The following TMEM182 variants were observed in gnomAD, a reference collection of about 807,000 sequenced individuals.
TMEM182 encodes transmembrane protein 182.
Under a neutral mutation model 26.8 loss-of-function variants are expected in TMEM182, and 20 were observed. The observed-to-expected ratio is 0.75, with a 90% CI of 0.53 to 1.09. TMEM182 has a LOEUF of 1.09. Among genes scored for constraint, TMEM182 ranks in the 50% least tolerant of loss-of-function variants. The pLI is 0.00. For missense variants in TMEM182, 277 were observed against 275.5 expected (o/e 1.01, Z -0.04); for synonymous variants, 109 against 102.2 (o/e 1.07, Z -0.40).
At position 102,738,316 on chromosome 2, in the gene TMEM182, C is replaced by A. The variant is rs538257087; in HGVS notation, c.-83+1303C>A. On this transcript the variant is annotated intron_variant, in intron 1 of 5. Coordinates refer to the TMEM182 transcript ENST00000409173. Reference sequence around the variant, plus strand: ...CGCCAAAAGAATTGGAAGTCACGGCCAGGCGCGGTGGCTCACACCTGTAAT... The same window carrying A: ...CGCCAAAAGAATTGGAAGTCACGGCAAGGCGCGGTGGCTCACACCTGTAAT... Among the ~76,000 whole-genome samples the A allele has an allele frequency of 2.6e-5, 4 of 152,256 alleles. 1 individual carries two copies. The highest frequency in any genetic ancestry group is 9.6e-5 in the African/African-American group (4 of 41,538).
intron 3 of TMEM182, among the ~76,000 whole-genome samples, chr2:102,776,197 A>G (rs548751416): frequency 6.6e-6 from 1 of 152,258 alleles, no homozygotes; most frequent in African/African-American, 2.4e-5. Context: ...ATTATTAACT[A>G]AAGTCAGGAT....
chr2:102,819,418 G>T (rs1682862146), downstream of TMEM182, among the ~76,000 whole-genome samples: 1 of 152,130 alleles, frequency 6.6e-6, no homozygotes, highest in Non-Finnish European at 1.5e-5. Context: ...AAACTTTTGT[G>T]GGTATATGTA....
chr2:102,808,717 A>G (rs1008595088), intron 4 of TMEM182, among the ~76,000 whole-genome samples: 5 of 152,232 alleles, frequency 3.3e-5, no homozygotes, highest in Non-Finnish European at 5.9e-5. Context: ...ACAAATTTTG[A>G]TATACTCATA....
At chr2:102,787,102 C>T (rs1341898384) in intron 3 of TMEM182, among the ~76,000 whole-genome samples, 4 of 152,252 alleles carry the variant, frequency 2.6e-5, no homozygotes, top group Non-Finnish European at 5.9e-5. Context: ...TCTACACGTT[C>T]CTGCCTTTAG....
At chr2:102,803,829 G>A (rs942852862) in intron 4 of TMEM182, among the ~76,000 whole-genome samples, 1 of 152,150 alleles carries the variant, frequency 6.6e-6, no homozygotes, top group East Asian at 1.9e-4. Context: ...CCGACAGCCT[G>A]GAGGCAGGCT....
chr2:102,837,351 GAAGAA>G (rs1481572395), intron 3 of TMEM182, among the ~76,000 whole-genome samples: 1 of 152,150 alleles, frequency 6.6e-6, no homozygotes, highest in Non-Finnish European at 1.5e-5. Context: ...AAACTAGAGA[GAAGAA>G]AAGCATGAAC....
At chr2:102,800,277 T>G (rs1168253067) in intron 4 of TMEM182, among the ~76,000 whole-genome samples, 1 of 152,198 alleles carries the variant, frequency 6.6e-6, no homozygotes, top group Admixed American at 6.5e-5. Flanking sequence ...CAGAGAAACC[T>G]TGTTTTCTAC....
At chr2:102,759,225 A>T (rs562859356), upstream of TMEM182, among the ~76,000 whole-genome samples, 354 of 152,346 alleles carry the variant, frequency 2.3e-3, no homozygotes, top group African/African-American at 8.2e-3. Flanking sequence ...ATTGAAATAT[A>T]AATAAGATAA....
At chr2:102,799,695 C>T (rs559487718) in intron 4 of TMEM182, among the ~76,000 whole-genome samples, 36 of 152,294 alleles carry the variant, frequency 2.4e-4, no homozygotes, top group African/African-American at 7.7e-4. Context: ...GGGTGTGGGG[C>T]GGGACCCTCT....
rs141846122 is a variant in TMEM182 at position 102,762,381 on chromosome 2, T to TG, written c.132+34dup. The TG allele has an allele frequency of 6.2e-4, 1,008 of 1,613,198 alleles. 7 individuals are homozygous for TG. In the African/African-American group the frequency reaches 0.011, roughly 17 times the overall value. ...CTCTTCTTCAAAATAGTGATGCACA[T>TG]GGTAGTTATGAAGATACCCTTATGT... is the stretch of plus-strand genomic sequence containing the variant. On this transcript the variant is annotated intron_variant, in intron 1 of 4. Coordinates refer to ENST00000412401, the MANE Select transcript of TMEM182 (RefSeq NM_144632.5).
chr2:102,765,091 TAGTC>T (rs10603827), intron 3 of TMEM182, among the ~76,000 whole-genome samples: 2,452 of 152,256 alleles, frequency 0.016, 63 homozygotes, highest in African/African-American at 0.054. Flanking sequence ...AAATTAATAT[TAGTC>T]AGGGTTCTCC....
At chr2:102,785,395 T>G (rs115182528) in intron 3 of TMEM182, among the ~76,000 whole-genome samples, 1,717 of 152,342 alleles carry the variant, frequency 0.011, 36 homozygotes, top group African/African-American at 0.039. Context: ...CCATAGTCTT[T>G]CCTTGCACTT....
At chr2:102,736,984 A>G (rs2104620015) in exon 1 of TMEM182, 1 of 681,472 alleles carries the variant, frequency 1.5e-6, no homozygotes, top group South Asian at 2.0e-5. Context: ...GGTCTCAGGC[A>G]AGGTGGGGAC....
Position 102,782,127 on chromosome 2 carries a change from G to A in TMEM182, c.332-15736G>A, listed in dbSNP as rs571977856. On this transcript the variant is annotated intron_variant, in intron 3 of 4. Coordinates refer to ENST00000412401, the MANE Select transcript of TMEM182 (RefSeq NM_144632.5). ...TTGAGACCAGCGTGGCCAACGTGGC[G>A]AAACCCCATCTCTACTAAAAATACA... 3.9e-4 allele frequency among the ~76,000 whole-genome samples: 60 copies of A among 152,142 alleles called. 1 individual carries two copies. In the East Asian group the frequency reaches 8.3e-3, roughly 21 times the overall value.
intron 4 of TMEM182, among the ~76,000 whole-genome samples, chr2:102,809,865 T>C (rs1210002392): frequency 3.3e-5 from 5 of 152,244 alleles, no homozygotes; most frequent in Non-Finnish European, 2.9e-5. Context: ...ACTTTTCACC[T>C]TAACTTCATA....
chr2:102,831,979 T>C (rs1683158558), intron 3 of TMEM182, among the ~76,000 whole-genome samples: 1 of 152,196 alleles, frequency 6.6e-6, no homozygotes, highest in Non-Finnish European at 1.5e-5. Flanking sequence ...TAAAGGTGAA[T>C]TGTGTATGCC....
At chr2:102,827,426 T>C (rs923657260) in intron 3 of TMEM182, among the ~76,000 whole-genome samples, 1 of 152,252 alleles carries the variant, frequency 6.6e-6, no homozygotes, top group Non-Finnish European at 1.5e-5. Context: ...CTAAGTGGAA[T>C]GAAATGACCT....
downstream of TMEM182, among the ~76,000 whole-genome samples, chr2:102,817,893 TC>T (rs1682808327): frequency 6.6e-6 from 1 of 152,230 alleles, no homozygotes; most frequent in African/African-American, 2.4e-5. Context: ...TATTGTTGTT[TC>T]CCTGAGTGCC....
At chr2:102,763,865 A>G (rs563669434) in intron 2 of TMEM182, among the ~76,000 whole-genome samples, 3 of 152,340 alleles carry the variant, frequency 2.0e-5, no homozygotes, top group East Asian at 1.9e-4. Flanking sequence ...GAATTATTGT[A>G]TAACTTATCA....
Sources: gnomAD v4.1 joint callset for allele counts (sites outside exome capture counted in the v4.1 genomes callset) on GRCh38, gnomAD v4.1.1 for gene constraint, MANE v1.5 for transcripts, NCBI Gene and HGNC (gene_info 2026-07-23, HGNC 2026-07-21) for gene names.